Variants in KIAA0825 observed in about 807,000 individuals in gnomAD.
The protein encoded by KIAA0825 is KIAA0825, also known as uncharacterized protein KIAA0825.
Under a neutral mutation model 147.6 loss-of-function variants are expected in KIAA0825, and 119 were observed. The ratio of observed to expected loss-of-function variants is 0.81; its 90% CI spans 0.69 to 0.94. KIAA0825 has a LOEUF of 0.94. Ranked by LOEUF, KIAA0825 falls within the 40% of genes least tolerant of loss-of-function variation. The pLI is 0.00. For missense variants in KIAA0825, 1,381 were observed against 1,472.7 expected (o/e 0.94, Z 1.02); for synonymous variants, 470 against 518.1 (o/e 0.91, Z 1.26).
intron 3 of KIAA0825, among the ~76,000 whole-genome samples, chr5:94,526,842 G>T (rs1769384322): frequency 6.6e-6 from 1 of 151,974 alleles, no homozygotes; most frequent in South Asian, 2.1e-4. Context: ...AGATAAACCT[G>T]TAAATAAACA....
chr5:94,237,414 T>C (rs565649635), intron 20 of KIAA0825, among the ~76,000 whole-genome samples: 22 of 152,258 alleles, frequency 1.4e-4, no homozygotes, highest in African/African-American at 5.3e-4. Context: ...GGGGAACAAC[T>C]ACAAAGGCTG....
intron 20 of KIAA0825, among the ~76,000 whole-genome samples, chr5:94,318,181 G>C (rs1444253031): frequency 6.6e-6 from 1 of 151,614 alleles, no homozygotes; most frequent in Non-Finnish European, 1.5e-5. Context: ...GTTTATTTCA[G>C]TGTAAAATGT....
intron 20 of KIAA0825, among the ~76,000 whole-genome samples, chr5:94,257,718 T>A (rs1776313459): frequency 6.6e-6 from 1 of 152,076 alleles, no homozygotes; most frequent in Non-Finnish European, 1.5e-5. Context: ...TGACTTACGA[T>A]CATACAAGGT....
At chr5:94,159,916 G>A (rs1295565060) in intron 20 of KIAA0825, among the ~76,000 whole-genome samples, 1 of 152,096 alleles carries the variant, frequency 6.6e-6, no homozygotes, top group Non-Finnish European at 1.5e-5. Context: ...TTATTTATTA[G>A]TTAATTGTAG....
At chr5:94,433,323 G>A (rs965003214) in intron 14 of KIAA0825, among the ~76,000 whole-genome samples, 6 of 152,152 alleles carry the variant, frequency 3.9e-5, no homozygotes, top group African/African-American at 9.7e-5. Flanking sequence ...CACCGTGCCC[G>A]GCGATTCATT....
At chr5:94,506,825 TTC>T (rs1267911527) in intron 5 of KIAA0825, among the ~76,000 whole-genome samples, 22 of 152,280 alleles carry the variant, frequency 1.4e-4, no homozygotes, top group Non-Finnish European at 2.6e-4. Flanking sequence ...CTGGTCTAGT[TTC>T]TAAGCCTGAA....
intron 19 of KIAA0825, 107 bp from the exon 20 acceptor site, chr5:94,384,565 G>GT: frequency 1.2e-6 from 1 of 849,980 alleles, no homozygotes; most frequent in Non-Finnish European, 1.9e-6. Context: ...AAGGAGGGGG[G>GT]TCCAGAACAA....
intron 2 of KIAA0825, among the ~76,000 whole-genome samples, chr5:94,575,641 T>C (rs1780878495): frequency 6.6e-6 from 1 of 152,190 alleles, no homozygotes; most frequent in Non-Finnish European, 1.5e-5. Flanking sequence ...GCAATAAAAA[T>C]CAGCGTGGAA....
At chr5:94,324,916 T>C (rs1780535179) in intron 20 of KIAA0825, among the ~76,000 whole-genome samples, 1 of 152,054 alleles carries the variant, frequency 6.6e-6, no homozygotes, top group African/African-American at 2.4e-5. Flanking sequence ...TCCAAATTCA[T>C]TAAAATGATA....
At chr5:94,286,135 C>T (rs1777656929) in intron 20 of KIAA0825, among the ~76,000 whole-genome samples, 1 of 152,132 alleles carries the variant, frequency 6.6e-6, no homozygotes, top group African/African-American at 2.4e-5. Context: ...AGTATAGTGT[C>T]AACATGGCTA....
chr5:94,153,805 A>G lies in KIAA0825; in HGVS notation c.*202T>C. 1 of 411,970 alleles carries G rather than the reference A, an allele frequency of 2.4e-6. No individual in the cohort carries two copies. The highest frequency in any genetic ancestry group is 4.3e-6 in the Non-Finnish European group (1 of 232,426). 25.5% of individuals were successfully genotyped at this position (411,970 alleles called of 1,614,324 possible). On this transcript the variant is annotated 3_prime_UTR_variant, in exon 21 of 21. Transcript: ENST00000682413. ...TAAAGAGAAAGATTGGGGAAAGAAA[A>G]ACATTTGAAATTATTTTTAAAATAA...
intron 20 of KIAA0825, among the ~76,000 whole-genome samples, chr5:94,363,676 A>G (rs73141220): frequency 0.012 from 1,762 of 152,168 alleles, 37 homozygotes; most frequent in African/African-American, 0.04. Flanking sequence ...GCTTGAGGCC[A>G]GATGCAAGAA....
intron 1 of KIAA0825, among the ~76,000 whole-genome samples, chr5:94,604,379 C>A (rs772661871): frequency 6.6e-6 from 1 of 152,016 alleles, no homozygotes; most frequent in African/African-American, 2.4e-5. Context: ...GCCAACATGG[C>A]GAAACCCTGT....
chr5:94,157,347 C>T (rs1275860638), intron 20 of KIAA0825, among the ~76,000 whole-genome samples: 1 of 152,130 alleles, frequency 6.6e-6, no homozygotes, highest in African/African-American at 2.4e-5. Flanking sequence ...TCTCATGAGA[C>T]TCCACTGATC....
intron 14 of KIAA0825, among the ~76,000 whole-genome samples, chr5:94,420,934 T>A (rs1754102607): frequency 6.6e-6 from 1 of 151,904 alleles, no homozygotes; most frequent in Non-Finnish European, 1.5e-5. Context: ...GTTCAAAGAT[T>A]TTTTTCTCTA....
chr5:94,533,361 C>A (rs1298289555), intron 3 of KIAA0825, among the ~76,000 whole-genome samples: 1 of 149,848 alleles, frequency 6.7e-6, no homozygotes, highest in Non-Finnish European at 1.5e-5. Flanking sequence ...ACTGCAACCA[C>A]TGCCTCCTGG....
chr5:94,428,830 C>A (rs1755258422), intron 14 of KIAA0825, among the ~76,000 whole-genome samples: 1 of 152,102 alleles, frequency 6.6e-6, no homozygotes, highest in Non-Finnish European at 1.5e-5. Flanking sequence ...CTCAGGATGC[C>A]AATAATTAAT....
At chr5:94,265,130 A>G (rs1229249822) in intron 20 of KIAA0825, among the ~76,000 whole-genome samples, 6 of 152,146 alleles carry the variant, frequency 3.9e-5, no homozygotes. Flanking sequence ...GAAATTGCCA[A>G]TATTCAAGCT....
chr5:94,339,406 C>T (rs1782132688), intron 20 of KIAA0825, among the ~76,000 whole-genome samples: 1 of 152,144 alleles, frequency 6.6e-6, no homozygotes, highest in Non-Finnish European at 1.5e-5. Flanking sequence ...GGCTGATTTA[C>T]AGAAGCTTTT....
Sources: allele counts gnomAD v4.1 joint callset (sites outside exome capture counted in the v4.1 genomes callset), GRCh38; gene constraint gnomAD v4.1.1; transcripts MANE v1.5; gene names NCBI Gene and HGNC (gene_info 2026-07-23, HGNC 2026-07-21).